The following FHIT variants were observed in gnomAD, a reference collection of about 807,000 sequenced individuals.
FHIT encodes the protein bis(5'-adenosyl)-triphosphatase.
In FHIT, 19 loss-of-function variants were observed where a neutral mutation model predicts 17.9. The observed-to-expected ratio is 1.06, with a 90% CI of 0.74 to 1.56. The LOEUF (loss-of-function observed/expected upper bound fraction) is 1.56, where lower values mean the gene tolerates loss of function less well. Among genes scored for constraint, FHIT ranks in the 40% most tolerant of loss-of-function variants. The probability of loss-of-function intolerance (pLI) is 0.00; values close to 1 mark genes in which losing one functional copy is unlikely to be tolerated. For synonymous variants in FHIT, 81 were observed against 69.7 expected, an observed-to-expected ratio of 1.16 and a Z score of -0.81; for missense variants, 248 against 189.2, an observed-to-expected ratio of 1.31 and a Z score of -1.82.
At chr3:60,217,297 T>G (rs1703739807) in intron 5 of FHIT, among the ~76,000 whole-genome samples, 1 of 152,336 alleles carries the variant, frequency 6.6e-6, no homozygotes, top group Admixed American at 6.5e-5. Context: ...AACATGTGTG[T>G]TAGATGAAGA....
chr3:60,343,101 C>A (rs781178772), intron 5 of FHIT, among the ~76,000 whole-genome samples: 3 of 152,056 alleles, frequency 2.0e-5, no homozygotes, highest in African/African-American at 7.2e-5. Flanking sequence ...ATGAATTATA[C>A]CTTCTATACA....
chr3:60,036,407 T>C (rs936037639), intron 5 of FHIT, among the ~76,000 whole-genome samples: 2 of 152,192 alleles, frequency 1.3e-5, no homozygotes, highest in Non-Finnish European at 2.9e-5. Flanking sequence ...GAATTCCGTG[T>C]TTCCCATAAT....
intron 7 of FHIT, among the ~76,000 whole-genome samples, chr3:59,978,948 A>G (rs1173720468): frequency 6.6e-6 from 1 of 152,024 alleles, no homozygotes; most frequent in African/African-American, 2.4e-5. Context: ...GGGCAAGGGT[A>G]GTGAAAAGTG....
chr3:60,968,595 T>C (rs1159013653), intron 3 of FHIT, among the ~76,000 whole-genome samples: 1 of 152,134 alleles, frequency 6.6e-6, no homozygotes, highest in African/African-American at 2.4e-5. Context: ...GTATTTTTAT[T>C]AGAGACAGGA....
intron 5 of FHIT, among the ~76,000 whole-genome samples, chr3:60,529,992 G>A (rs1022126719): frequency 7.9e-5 from 12 of 151,988 alleles, no homozygotes; most frequent in African/African-American, 2.9e-4. Context: ...ATGCAATTCT[G>A]AGAAATGTAC....
chr3:60,437,405 G>A (rs2030370810), intron 5 of FHIT, among the ~76,000 whole-genome samples: 2 of 152,026 alleles, frequency 1.3e-5, no homozygotes, highest in Non-Finnish European at 1.5e-5. Context: ...TTCCTGTCAG[G>A]CACTTAACTT....
chr3:60,345,987 T>C (rs1710757951), intron 5 of FHIT, among the ~76,000 whole-genome samples: 1 of 152,226 alleles, frequency 6.6e-6, no homozygotes, highest in Non-Finnish European at 1.5e-5. Flanking sequence ...TTCACCTTTG[T>C]TGCTCTGCAA....
rs1559897265 is a variant in FHIT, at chr3:60,418,406, A to G, written c.103+118454T>C. Among the ~76,000 whole-genome samples, 416 of 123,634 alleles carry G rather than the reference A, an allele frequency of 3.4e-3. 44 individuals carry two copies. The highest frequency in any genetic ancestry group is 9.8e-3 in the East Asian group (39 of 3,964). 81.1% of individuals were successfully genotyped at this position (123,634 alleles called of 152,430 possible). On this transcript the variant is annotated intron_variant, in intron 5 of 9. Coordinates refer to ENST00000492590, the MANE Select transcript of FHIT (RefSeq NM_002012.4). ...TATATATATATATATATATATATAT[A>G]TATATATATATATATATATACGTGT...
intron 4 of FHIT, among the ~76,000 whole-genome samples, chr3:60,756,585 G>T (rs1028772315): frequency 6.6e-6 from 1 of 152,152 alleles, no homozygotes; most frequent in African/African-American, 2.4e-5. Flanking sequence ...TGGGGAGACG[G>T]TATTGATGAA....
rs147719899 is a variant in FHIT, at chr3:60,800,444, T to G, written c.-18+21475A>C. Reference sequence around the variant, plus strand: ...TGATATCATTGGCAGCCTTAGCCTGTGTTCCCCATCTGACTCTTACATCCC... The same window carrying G: ...TGATATCATTGGCAGCCTTAGCCTGGGTTCCCCATCTGACTCTTACATCCC... On this transcript the variant is annotated intron_variant, in intron 4 of 9. Coordinates refer to ENST00000492590, the MANE Select transcript of FHIT (RefSeq NM_002012.4). Among the ~76,000 whole-genome samples, 921 of 152,274 alleles carry G rather than the reference T, an allele frequency of 6.0e-3. 8 individuals are homozygous for G. Among genetic ancestry groups the G allele is most frequent in the African/African-American group, 0.02 (848 of 41,550 alleles).
intron 5 of FHIT, among the ~76,000 whole-genome samples, chr3:60,384,605 C>G (rs1360213542): frequency 6.6e-6 from 1 of 152,084 alleles, no homozygotes; most frequent in African/African-American, 2.4e-5. Context: ...CAGTCATGGA[C>G]ATAAACAAAA....
rs370945793 is a variant in FHIT, at chr3:60,259,880, G to A, written c.104-245728C>T. On this transcript the variant is annotated intron_variant, in intron 5 of 9. Coordinates refer to ENST00000492590, the MANE Select transcript of FHIT (RefSeq NM_002012.4). ...TTTCCTATGCCAACTCAGGGAGTGT[G>A]AACTTCACCCTGGCAATGGGATGAC... Among the ~76,000 whole-genome samples, 12 of 152,132 alleles carry A rather than the reference G, an allele frequency of 7.9e-5. No individual in the cohort carries two copies. The East Asian group carries it at 2.1e-3, about 27-fold the overall frequency.
At chr3:60,731,925 T>C (rs2107989506) in intron 4 of FHIT, among the ~76,000 whole-genome samples, 1 of 152,302 alleles carries the variant, frequency 6.6e-6, no homozygotes, top group Non-Finnish European at 1.5e-5. Context: ...CTGTAACAAT[T>C]ACACTTGATT....
At chr3:60,521,270 C>A (rs1029516114) in intron 5 of FHIT, among the ~76,000 whole-genome samples, 2 of 151,580 alleles carry the variant, frequency 1.3e-5, no homozygotes, top group African/African-American at 4.9e-5. Context: ...TTTTTTGAGG[C>A]GGAGGCTTGC....
rs1365804604 is a variant in FHIT at position 60,571,229 on chromosome 3, G to A, written c.-17-34250C>T. 5.3e-5 allele frequency among the ~76,000 whole-genome samples: 8 copies of A among 149,786 alleles called. No homozygotes were observed. The East Asian group carries it at 6.0e-4, about 11-fold the overall frequency. ...TGTGCGCCTGTAATCCCAGCTACTC[G>A]GGAGACTGAGGCAGGAGAATCACTT... On this transcript the variant is annotated intron_variant, in intron 4 of 9. Coordinates refer to ENST00000492590, the MANE Select transcript of FHIT (RefSeq NM_002012.4).
At chr3:60,623,642 G>C (rs1447559770) in intron 4 of FHIT, among the ~76,000 whole-genome samples, 2 of 152,174 alleles carry the variant, frequency 1.3e-5, no homozygotes, top group Admixed American at 6.5e-5. Context: ...GTGATACATA[G>C]GCTCAGTTAA....
At chr3:60,854,544 A>G (rs1448004633) in intron 3 of FHIT, among the ~76,000 whole-genome samples, 4 of 137,832 alleles carry the variant, frequency 2.9e-5, no homozygotes, top group African/African-American at 1.1e-4. Context: ...TGAATGCCCC[A>G]GCCTACTTCT....
intron 4 of FHIT, among the ~76,000 whole-genome samples, chr3:60,800,437 T>TA (rs1701147690): frequency 6.6e-6 from 1 of 152,156 alleles, no homozygotes; most frequent in Admixed American, 6.5e-5. Context: ...TTGGCAGCCT[T>TA]AGCCTGTGTT....
chr3:60,796,053 A>C (rs1700970399), intron 4 of FHIT, among the ~76,000 whole-genome samples: 1 of 152,172 alleles, frequency 6.6e-6, no homozygotes, highest in Admixed American at 6.5e-5. Context: ...AATGAGTAGG[A>C]AGCAAAAGCA....
Sources: gnomAD v4.1 joint callset for allele counts (sites outside exome capture counted in the v4.1 genomes callset) on GRCh38, gnomAD v4.1.1 for gene constraint, MANE v1.5 for transcripts, NCBI Gene and HGNC (gene_info 2026-07-23, HGNC 2026-07-21) for gene names.